Variants in ATRN observed in about 807,000 individuals in gnomAD.
ATRN encodes attractin.
A neutral mutation model predicts 178.7 loss-of-function variants in ATRN; 54 were observed. The observed-to-expected ratio is 0.30, with a 90% confidence interval of 0.24 to 0.38. The LOEUF (loss-of-function observed/expected upper bound fraction) is 0.38, where lower values mean the gene tolerates loss of function less well. Ranked by LOEUF, ATRN falls within the 10% of genes least tolerant of loss-of-function variation. The pLI, the probability that ATRN is intolerant of heterozygous loss-of-function variation, is 1.00. For missense variants in ATRN, 1,443 were observed against 1,815.1 expected (o/e 0.79, Z 3.73); for synonymous variants, 636 against 663.0 (o/e 0.96, Z 0.63).
intron 1 of ATRN, among the ~76,000 whole-genome samples, chr20:3,514,227 A>G (rs1357811152): frequency 6.6e-6 from 1 of 152,228 alleles, no homozygotes; most frequent in Non-Finnish European, 1.5e-5. Context: ...AAATTTCTAG[A>G]AAAACCAACT....
At chr20:3,541,075 G>GTTTTTTTTTT (rs1374704708) in intron 3 of ATRN, among the ~76,000 whole-genome samples, 7 of 139,424 alleles carry the variant, frequency 5.0e-5, no homozygotes, top group Non-Finnish European at 9.6e-5. Flanking sequence ...CATGATAGAG[G>GTTTTTTTTTT]ATTTTTTTTT....
chr20:3,629,938 C>A (rs1260459003), intron 25 of ATRN, among the ~76,000 whole-genome samples: 1 of 115,442 alleles, frequency 8.7e-6, no homozygotes, highest in Non-Finnish European at 1.8e-5. Flanking sequence ...CCTCATCATT[C>A]TGAGTTTTTT....
chr20:3,627,755 A>G (rs981409811), intron 25 of ATRN, among the ~76,000 whole-genome samples: 1 of 152,228 alleles, frequency 6.6e-6, no homozygotes, highest in African/African-American at 2.4e-5. Context: ...AAAATATGCA[A>G]CTTGCCAAAA....
chr20:3,500,559 C>A (rs1600039457), intron 1 of ATRN, among the ~76,000 whole-genome samples: 1 of 151,190 alleles, frequency 6.6e-6, no homozygotes, highest in Admixed American at 6.6e-5. Flanking sequence ...AATTGGAAAT[C>A]ATCATTCTCA....
chr20:3,474,673 C>T (rs2084491979), intron 1 of ATRN, among the ~76,000 whole-genome samples: 1 of 151,490 alleles, frequency 6.6e-6, no homozygotes, highest in African/African-American at 2.4e-5. Context: ...CACCACTGCA[C>T]TCCAGCCTGG....
rs764385330 is a variant in ATRN, at chr20:3,604,282, C to T, written c.3801+20C>T. ...ATTCAGGTAAGAAGAGGCTTTTGGT[C>T]TCATACCTGCAAAGGTGGTGAAATC... On this transcript the variant is annotated intron_variant, in intron 24 of 28. Transcript: ENST00000262919. 6.4e-7 allele frequency: 1 copy of T among 1,573,592 alleles called. No homozygotes were observed. The highest frequency in any genetic ancestry group is 8.6e-7 in the Non-Finnish European group (1 of 1,165,618).
intron 1 of ATRN, among the ~76,000 whole-genome samples, chr20:3,486,224 G>A (rs1321920750): frequency 1.3e-5 from 2 of 151,788 alleles, no homozygotes; most frequent in South Asian, 4.2e-4. Flanking sequence ...CAAGTGTGAC[G>A]TGTCTGTCAC....
chr20:3,646,858 A>G lies in ATRN; in HGVS notation c.*11A>G, dbSNP rs762866354. 3 of 1,613,150 alleles carry G rather than the reference A, an allele frequency of 1.9e-6. No homozygotes were observed. Among genetic ancestry groups the G allele is most frequent in the Non-Finnish European group, 2.5e-6 (3 of 1,179,712 alleles). On this transcript the variant is annotated 3_prime_UTR_variant, in exon 29 of 29. Coordinates refer to ENST00000262919, the MANE Select transcript of ATRN (RefSeq NM_139321.3). ...GGGACCTGCATCTGATGCTGGGGCC[A>G]GGGACTCTCCCACGCACGAGCTAGT...
intron 11 of ATRN, among the ~76,000 whole-genome samples, chr20:3,566,654 A>C (rs2086040152): frequency 6.6e-6 from 1 of 152,148 alleles, no homozygotes; most frequent in Non-Finnish European, 1.5e-5. Flanking sequence ...CTGTAATCCC[A>C]GCACTTTGGG....
chr20:3,578,535 G>A, intron 14 of ATRN, 47 bp from the exon 15 acceptor site: 3 of 1,512,988 alleles, frequency 2.0e-6, no homozygotes, highest in Non-Finnish European at 2.7e-6. Context: ...CAGTAGTTTT[G>A]TCTGATTTCT....
intron 20 of ATRN, among the ~76,000 whole-genome samples, chr20:3,594,814 A>G (rs2086501883): frequency 6.6e-6 from 1 of 152,200 alleles, no homozygotes. Flanking sequence ...TGTTTAAATG[A>G]TACTGACATT....
chr20:3,554,525 T>TG (rs1184914869), intron 6 of ATRN, among the ~76,000 whole-genome samples: 1 of 151,524 alleles, frequency 6.6e-6, no homozygotes, highest in African/African-American at 2.4e-5. Context: ...TTAGTAGAGA[T>TG]GGGTTTCACC....
At chr20:3,562,590 T>A (rs1259867340) in intron 9 of ATRN, 131 bp downstream of exon 9, 1 of 852,328 alleles carries the variant, frequency 1.2e-6, no homozygotes, top group African/African-American at 1.7e-5. Context: ...TATAGAGAAA[T>A]TGGGAAATAA....
intron 1 of ATRN, chr20:3,489,969 G>A: frequency 9.8e-7 from 1 of 1,016,872 alleles, no homozygotes; most frequent in Non-Finnish European, 1.6e-6. Context: ...CTCTTCTCCT[G>A]TCCTTGCTTG....
At chr20:3,496,386 T>C (rs1286858179) in intron 1 of ATRN, among the ~76,000 whole-genome samples, 1 of 151,874 alleles carries the variant, frequency 6.6e-6, no homozygotes, top group African/African-American at 2.4e-5. Flanking sequence ...AACATCTTTA[T>C]TTCTGCCTTC....
chr20:3,638,546 G>A lies in ATRN; in HGVS notation c.3943-282G>A, dbSNP rs187080561. 5.4e-4 allele frequency among the ~76,000 whole-genome samples: 82 copies of A among 152,288 alleles called. No individual in the cohort carries two copies. The highest frequency in any genetic ancestry group is 1.9e-3 in the African/African-American group (78 of 41,544). ...CAGTCTATCATTGATGGGCATTTGG[G>A]TTGGTTCTAAGTCTTCGCTACTGTA... is the stretch of plus-strand genomic sequence containing the variant. On this transcript the variant is annotated intron_variant, in intron 26 of 28. Transcript: ENST00000262919. The surrounding 1 kb of genome is among the most constrained non-coding windows in gnomAD (Gnocchi z 4.5).
rs1184794426 is a variant in ATRN at position 3,594,531 on chromosome 20, C to T, written c.3375C>T (p.Cys1125=). ...TGTGCAACACCAACACGGGCAAGTG[C>T]TTCTGCACCACCAAGGGCGTCAAGG... is the stretch of plus-strand genomic sequence containing the variant. ...ASLCNTNTGK[C]FCTTKGVKGD... The change falls in exon 20 of 29, where the codon TGC becomes TGT. Residue 1125 remains cysteine, a synonymous_variant. Transcript: ENST00000262919. 1 of 1,612,508 alleles carries T rather than the reference C, an allele frequency of 6.2e-7. No homozygotes were observed. Among genetic ancestry groups the T allele is most frequent in the Non-Finnish European group, 8.5e-7 (1 of 1,178,974 alleles).
chr20:3,490,018 C>T (rs1568683891), intron 1 of ATRN: 13 of 1,006,090 alleles, frequency 1.3e-5, no homozygotes, highest in Middle Eastern at 4.4e-4. Flanking sequence ...TGTTGCTGTT[C>T]CCTGAGAGTC....
rs190450175 is a variant in ATRN, at chr20:3,621,625, C to A, written c.3802-2886C>A. 1.4e-3 allele frequency among the ~76,000 whole-genome samples: 214 copies of A among 152,156 alleles called. 1 individual carries two copies. The highest frequency in any genetic ancestry group is 5.0e-3 in the African/African-American group (209 of 41,514). On this transcript the variant is annotated intron_variant, in intron 24 of 28. Transcript: ENST00000262919. ...TTTATTTATAAAATAAGAATTTCTT[C>A]TTTGTATTAAAATAGATTTTTATAT...
Sources: allele counts gnomAD v4.1 joint callset (sites outside exome capture counted in the v4.1 genomes callset), GRCh38; gene constraint gnomAD v4.1.1; non-coding constraint Gnocchi (gnomAD v3.1); transcripts MANE v1.5; gene names NCBI Gene and HGNC (gene_info 2026-07-23, HGNC 2026-07-21).